Variants in VPS13D observed in about 807,000 individuals in gnomAD.
VPS13D encodes the protein intermembrane lipid transfer protein VPS13D.
A neutral mutation model predicts 461.9 loss-of-function variants in VPS13D; 187 were observed. The observed-to-expected ratio is 0.40, with a 90% CI of 0.36 to 0.46. VPS13D has a LOEUF of 0.46. Ranked by LOEUF, VPS13D falls within the 20% of genes least tolerant of loss-of-function variation. The pLI, the probability that VPS13D is intolerant of heterozygous loss-of-function variation, is 0.60. For synonymous variants in VPS13D, 1,951 were observed against 1,986.3 expected, an observed-to-expected ratio of 0.98 and a Z score of 0.47; for missense variants, 4,711 against 5,364.9, an observed-to-expected ratio of 0.88 and a Z score of 3.81.
chr1:12,400,270 A>ATCGAGACTT lies in VPS13D; in HGVS notation c.11724_11725insTCGAGACTT (p.Pro3908_Ala3909insSerArgLeu). On this transcript the variant is annotated inframe_insertion, in exon 61 of 70. Transcript: ENST00000620676. The stretch of plus-strand genomic sequence containing the variant: ...AGAATGAGGTCATCGAGACCGGCCC[A>ATCGAGACTT]GCTGTGCAAGTCAACGCAGTGAAGT... The ATCGAGACTT allele has an allele frequency of 6.2e-7, 1 of 1,614,188 alleles. No individual in the cohort carries two copies. The highest frequency in any genetic ancestry group is 8.5e-7 in the Non-Finnish European group (1 of 1,180,026).
intron 9 of VPS13D, 106 bp downstream of exon 9, chr1:12,257,193 A>G: frequency 3.1e-6 from 3 of 970,400 alleles, no homozygotes; most frequent in Non-Finnish European, 4.8e-6. Flanking sequence ...TTTGGAGATA[A>G]AAGTACAGTT....
rs1204397022 is a variant in VPS13D at position 12,416,774 on chromosome 1, G to T, written c.12280G>T (p.Val4094Phe). 9.3e-6 allele frequency: 15 copies of T among 1,613,922 alleles called. No homozygotes were observed. The highest frequency in any genetic ancestry group is 1.1e-5 in the Non-Finnish European group (13 of 1,179,996). ...TACTGGACTGATAAAATATGGAAAT[G>T]TCGGGGGCCTCATCAGAAATGTTAC... ...GVTGLIKYGN[V>F]GGLIRNVTHG... Residue 4094 changes from valine to phenylalanine, a missense_variant, in exon 65 of 70, where the codon GTC becomes TTC. Physicochemically the swap from Val to Phe is conservative, Grantham distance 50. This residue lies in a region of VPS13D where 106 missense variants were observed against 206.2 expected (regional missense o/e 0.51). Coordinates refer to ENST00000620676, the MANE Select transcript of VPS13D (RefSeq NM_015378.4).
At chr1:12,494,591 A>G (rs1243122330) in intron 67 of VPS13D, among the ~76,000 whole-genome samples, 2 of 152,180 alleles carry the variant, frequency 1.3e-5, no homozygotes, top group Non-Finnish European at 2.9e-5. Context: ...GATCCACCAG[A>G]GGCATTTAGG....
intron 65 of VPS13D, among the ~76,000 whole-genome samples, chr1:12,448,989 G>A (rs1351166947): frequency 6.6e-6 from 1 of 152,116 alleles, no homozygotes; most frequent in Non-Finnish European, 1.5e-5. Flanking sequence ...TTCAACCTTG[G>A]GTGCTGAGAT....
chr1:12,417,282 C>T (rs988044647), intron 65 of VPS13D, among the ~76,000 whole-genome samples: 2 of 152,224 alleles, frequency 1.3e-5, no homozygotes, highest in African/African-American at 4.8e-5. Context: ...AAACCAGCAG[C>T]AGATGGACAG....
chr1:12,343,459 C>T (rs1244433121), intron 42 of VPS13D, among the ~76,000 whole-genome samples: 1 of 151,458 alleles, frequency 6.6e-6, no homozygotes, highest in African/African-American at 2.4e-5. Flanking sequence ...TGTGAGCCAC[C>T]ACACCTGGCC....
intron 60 of VPS13D, among the ~76,000 whole-genome samples, chr1:12,390,187 A>T (rs539998512): frequency 9.8e-5 from 15 of 152,336 alleles, no homozygotes; most frequent in Admixed American, 9.8e-4. Flanking sequence ...ATTAGGGGTG[A>T]TGATGAATGG....
chr1:12,330,003 G>C, intron 37 of VPS13D, 85 bp downstream of exon 37: 3 of 533,950 alleles, frequency 5.6e-6, no homozygotes, highest in Non-Finnish European at 9.8e-6. Context: ...AATTTTACAT[G>C]AAGGAAAGGG....
chr1:12,389,213 C>T (rs1381992626), intron 60 of VPS13D, among the ~76,000 whole-genome samples: 5 of 152,142 alleles, frequency 3.3e-5, no homozygotes, highest in Admixed American at 2.0e-4. Flanking sequence ...TAGATTGCAC[C>T]CACCAGATTA....
intron 65 of VPS13D, among the ~76,000 whole-genome samples, chr1:12,447,461 C>T (rs956469613): frequency 3.3e-5 from 5 of 152,140 alleles, no homozygotes; most frequent in Non-Finnish European, 7.3e-5. Flanking sequence ...ACATGACGAA[C>T]GTTGTTGGCT....
intron 21 of VPS13D, among the ~76,000 whole-genome samples, chr1:12,285,993 C>CTCTCG: frequency 8.5e-6 from 1 of 117,260 alleles, no homozygotes; most frequent in African/African-American, 3.7e-5. Context: ...CTTTCCTTTC[C>CTCTCG]TCTCCTCTCC....
Position 12,416,667 on chromosome 1 carries a change from T to C in VPS13D, c.12173T>C (p.Leu4058Pro). 1 of 1,613,262 alleles carries C rather than the reference T, an allele frequency of 6.2e-7. No homozygotes were observed. Among genetic ancestry groups the C allele is most frequent in the Non-Finnish European group, 8.5e-7 (1 of 1,179,758 alleles). Residue 4058 changes from leucine (L) to proline (P), a missense_variant, in exon 65 of 70, where the codon CTC becomes CCC. Around this residue, in one of 3 missense-constraint regions of VPS13D, gnomAD observed 106 missense variants for 206.2 expected, o/e 0.51. Coordinates refer to ENST00000620676, the MANE Select transcript of VPS13D (RefSeq NM_015378.4). ...DILKHFQEELLSQAARILGSV... is the reference protein window; with the variant it reads ...DILKHFQEELPSQAARILGSV... ...TCCTGTTCCATTTGGCAGGAACTCC[T>C]CAGCCAGGCAGCTCGAATCCTGGGA...
At chr1:12,281,383 C>T (rs1641777233) in intron 20 of VPS13D, among the ~76,000 whole-genome samples, 1 of 151,572 alleles carries the variant, frequency 6.6e-6, no homozygotes, top group African/African-American at 2.4e-5. Context: ...CTTTTTTGTC[C>T]CCCCATGTCG....
At chr1:12,281,063 A>G (rs562062030) in intron 20 of VPS13D, among the ~76,000 whole-genome samples, 2 of 138,594 alleles carry the variant, frequency 1.4e-5, no homozygotes, top group Non-Finnish European at 3.2e-5. Context: ...TGTTTTATCT[A>G]TTTTTTTTTT....
chr1:12,248,889 A>G (rs1177266284), intron 5 of VPS13D, among the ~76,000 whole-genome samples: 1 of 152,180 alleles, frequency 6.6e-6, no homozygotes, highest in Non-Finnish European at 1.5e-5. Flanking sequence ...TGATTTAATG[A>G]AAGTATTGGA....
chr1:12,431,290 C>T (rs929670998), intron 65 of VPS13D, among the ~76,000 whole-genome samples: 1 of 152,074 alleles, frequency 6.6e-6, no homozygotes, highest in African/African-American at 2.4e-5. Context: ...TTAACACAAT[C>T]GCTGATATTC....
Position 12,506,935 on chromosome 1 carries a change from G to C in VPS13D, c.12877G>C (p.Val4293Leu). The change falls in exon 69 of 70, where the codon GTG becomes CTG. Residue 4293 changes from valine (V) to leucine (L), a missense_variant. This residue lies in a region of VPS13D where 194 missense variants were observed against 220.9 expected (regional missense o/e 0.88). Transcript: ENST00000620676. ...AVYFLKSGDY[V>L]DREAIFLEVK... Reference sequence around the variant, plus strand: ...TTACTTCCTGAAAAGTGGAGACTACGTGGATCGAGAAGCCATTTTCCTAGA... The same window carrying C: ...TTACTTCCTGAAAAGTGGAGACTACCTGGATCGAGAAGCCATTTTCCTAGA... The C allele has an allele frequency of 1.2e-6, 2 of 1,614,272 alleles. No individual in the cohort carries two copies. The highest frequency in any genetic ancestry group is 1.1e-5 in the South Asian group (1 of 91,092).
chr1:12,462,508 A>G (rs1214051458), intron 67 of VPS13D, among the ~76,000 whole-genome samples: 1 of 152,246 alleles, frequency 6.6e-6, no homozygotes, highest in African/African-American at 2.4e-5. Context: ...AAATGAGGAC[A>G]AGACAGTCCA....
intron 67 of VPS13D, among the ~76,000 whole-genome samples, chr1:12,492,421 C>T (rs1645895150): frequency 6.6e-6 from 1 of 152,182 alleles, no homozygotes; most frequent in Admixed American, 6.5e-5. Flanking sequence ...AAATTCAGTC[C>T]TTTAGTTACA....
Sources: gnomAD v4.1 joint callset for allele counts (sites outside exome capture counted in the v4.1 genomes callset) on GRCh38, gnomAD v4.1.1 for gene constraint, gnomAD v4.1.1 regional missense constraint, MANE v1.5 for transcripts, NCBI Gene and HGNC (gene_info 2026-07-23, HGNC 2026-07-21) for gene names.